Variants in CNNM2 observed in about 807,000 individuals in gnomAD.
CNNM2 encodes metal transporter CNNM2.
In CNNM2, 12 loss-of-function variants were observed where a neutral mutation model predicts 66.9. The observed-to-expected ratio is 0.18, with a 90% CI of 0.11 to 0.29. The LOEUF (loss-of-function observed/expected upper bound fraction) is 0.29. CNNM2 is among the 10% of genes least tolerant of loss of function. The pLI is 1.00. For missense variants in CNNM2, 705 were observed against 1,167.7 expected (o/e 0.60, Z 5.77); for synonymous variants, 557 against 501.8 (o/e 1.11, Z -1.47).
Position 102,918,962 on chromosome 10 carries a change from C to T in CNNM2, c.482C>T (p.Pro161Leu). Residue 161 changes from proline (P) to leucine (L), a missense_variant, in exon 1 of 8, where the codon CCC becomes CTC. This residue lies in a region of CNNM2 where 100 missense variants were observed against 151.9 expected (regional missense o/e 0.66). Coordinates refer to ENST00000369878, the MANE Select transcript of CNNM2 (RefSeq NM_017649.5). The surrounding 1 kb of genome is among the most constrained non-coding windows in gnomAD (Gnocchi z 4.1). ...GIRTSDIIIL[P>L]HIILNRRTSG... Reference sequence around the variant, plus strand: ...CGCACCTCAGACATCATCATCTTGCCCCACATCATTCTCAACCGCCGCACC... The same window carrying T: ...CGCACCTCAGACATCATCATCTTGCTCCACATCATTCTCAACCGCCGCACC... 6.2e-7 allele frequency: 1 copy of T among 1,612,526 alleles called. No homozygotes were observed. The highest frequency in any genetic ancestry group is 1.3e-5 in the African/African-American group (1 of 75,006).
chr10:103,026,370 C>T (rs775533748), intron 1 of CNNM2, among the ~76,000 whole-genome samples: 5 of 151,862 alleles, frequency 3.3e-5, no homozygotes, highest in South Asian at 2.1e-4. Flanking sequence ...GAGGCCAAGG[C>T]GGGTGGATCG....
chr10:102,965,425 A>T (rs777499250), intron 1 of CNNM2, among the ~76,000 whole-genome samples: 1 of 152,200 alleles, frequency 6.6e-6, no homozygotes, highest in African/African-American at 2.4e-5. Flanking sequence ...AGAAGTAGGA[A>T]ATCAGTTTTT....
chr10:102,960,783 C>CTT (rs1183182236), intron 1 of CNNM2, among the ~76,000 whole-genome samples: 51 of 97,848 alleles, frequency 5.2e-4, no homozygotes, highest in Non-Finnish European at 7.2e-4. Flanking sequence ...CCATACCTGG[C>CTT]TTTTTTTTTT....
chr10:103,002,491 T>C (rs1367889195), intron 1 of CNNM2, among the ~76,000 whole-genome samples: 3 of 151,640 alleles, frequency 2.0e-5, no homozygotes, highest in Non-Finnish European at 2.9e-5. Context: ...TTTTTTTTTT[T>C]TTTTTGAGAC....
At chr10:102,926,650 A>G (rs888406314) in intron 1 of CNNM2, among the ~76,000 whole-genome samples, 3 of 151,068 alleles carry the variant, frequency 2.0e-5, no homozygotes, top group Admixed American at 2.0e-4. Flanking sequence ...GGTTCGAGTG[A>G]TCCTCCCATC....
Position 103,089,609 on chromosome 10 carries a change from G to A in CNNM2, c.*12429G>A, listed in dbSNP as rs1016421116. The A allele has an allele frequency of 1.6e-5, 24 of 1,495,142 alleles. No individual in the cohort carries two copies. The highest frequency in any genetic ancestry group is 9.7e-5 in the South Asian group (7 of 71,890). 92.6% of individuals were successfully genotyped at this position (1,495,142 alleles called of 1,614,324 possible). A position where few individuals can be genotyped will look rare whatever the true frequency, so the allele number is the denominator to read the frequency against. ...CGAGTAGAACCCTAACAGGGACCTC[G>A]TTTGTTCCTGTGAGTCCTGCCAGGA... On this transcript the variant is annotated 3_prime_UTR_variant, in exon 8 of 8. Transcript: ENST00000369878.
intron 6 of CNNM2, among the ~76,000 whole-genome samples, chr10:103,074,607 A>G (rs2065658038): frequency 6.6e-6 from 1 of 152,168 alleles, no homozygotes; most frequent in Non-Finnish European, 1.5e-5. Context: ...CTGAGGCGAC[A>G]AGATCACTTG....
At chr10:102,964,877 A>G (rs1478380025) in intron 1 of CNNM2, among the ~76,000 whole-genome samples, 5 of 151,944 alleles carry the variant, frequency 3.3e-5, no homozygotes, top group Admixed American at 3.3e-4. Context: ...GTTGCCTTTA[A>G]GAGGGAGTTA....
At chr10:102,949,824 C>T (rs190267964) in intron 1 of CNNM2, among the ~76,000 whole-genome samples, 2 of 152,074 alleles carry the variant, frequency 1.3e-5, no homozygotes, top group East Asian at 3.9e-4. Context: ...ATAATAACAA[C>T]AACAACAAAT....
intron 4 of CNNM2, among the ~76,000 whole-genome samples, chr10:103,061,005 A>C (rs1047582423): frequency 6.6e-6 from 1 of 152,238 alleles, no homozygotes; most frequent in African/African-American, 2.4e-5. Context: ...CAGTTTTAAG[A>C]AATCTTATTC....
chr10:103,020,488 T>G (rs1321591203), intron 1 of CNNM2, among the ~76,000 whole-genome samples: 1 of 152,094 alleles, frequency 6.6e-6, no homozygotes, highest in Non-Finnish European at 1.5e-5. Flanking sequence ...AATTAATCCA[T>G]TCAACCAATA....
At chr10:102,924,731 A>G (rs577857256) in intron 1 of CNNM2, among the ~76,000 whole-genome samples, 34 of 152,152 alleles carry the variant, frequency 2.2e-4, no homozygotes, top group African/African-American at 8.2e-4. Flanking sequence ...GAGCCTTCCA[A>G]GGTGCTGGGA....
intron 1 of CNNM2, among the ~76,000 whole-genome samples, chr10:103,009,674 CAAAAAAAA>C (rs36096913): frequency 5.1e-5 from 3 of 58,634 alleles, no homozygotes; most frequent in Admixed American, 2.3e-4. Flanking sequence ...CCTGAGTCTC[CAAAAAAAA>C]AAAAAAAAAA....
At chr10:102,925,661 A>G (rs907882558) in intron 1 of CNNM2, among the ~76,000 whole-genome samples, 6 of 152,216 alleles carry the variant, frequency 3.9e-5, no homozygotes, top group African/African-American at 1.4e-4. Flanking sequence ...AGATGAAGGT[A>G]GCAGCATCAT....
chr10:102,922,658 T>G (rs936952524), intron 1 of CNNM2, among the ~76,000 whole-genome samples: 2 of 152,152 alleles, frequency 1.3e-5, no homozygotes, highest in Non-Finnish European at 2.9e-5. Context: ...ATTATCCTTT[T>G]GGCTAGGCAT....
intron 1 of CNNM2, among the ~76,000 whole-genome samples, chr10:102,950,438 A>C (rs1846784174): frequency 6.6e-6 from 1 of 152,138 alleles, no homozygotes; most frequent in Non-Finnish European, 1.5e-5. Flanking sequence ...GTATGATATT[A>C]ATATTTTGTC....
At chr10:103,066,641 C>A (rs2065483221) in intron 4 of CNNM2, among the ~76,000 whole-genome samples, 1 of 152,234 alleles carries the variant, frequency 6.6e-6, no homozygotes, top group Non-Finnish European at 1.5e-5. Context: ...TCTTGGTCAT[C>A]CACAGCTTTT....
intron 1 of CNNM2, among the ~76,000 whole-genome samples, chr10:103,025,060 T>C (rs1055314480): frequency 2.6e-5 from 4 of 152,180 alleles, no homozygotes; most frequent in Non-Finnish European, 5.9e-5. Flanking sequence ...ATTAAGGTAG[T>C]GACTGCAGTT....
chr10:102,949,158 T>C (rs1432811973), intron 1 of CNNM2, among the ~76,000 whole-genome samples: 4 of 152,124 alleles, frequency 2.6e-5, no homozygotes, highest in Non-Finnish European at 4.4e-5. Flanking sequence ...AGCATTGCTT[T>C]GTCAGGTTCA....
Sources: gnomAD v4.1 joint callset for allele counts (sites outside exome capture counted in the v4.1 genomes callset) on GRCh38, gnomAD v4.1.1 for gene constraint, gnomAD v4.1.1 regional missense constraint, Gnocchi (gnomAD v3.1) non-coding constraint, MANE v1.5 for transcripts, NCBI Gene and HGNC (gene_info 2026-07-23, HGNC 2026-07-21) for gene names.